Variants in KIZ observed in about 807,000 individuals in gnomAD.
The protein encoded by KIZ is centrosomal protein kizuna.
A neutral mutation model predicts 79.6 loss-of-function variants in KIZ; 68 were observed. That is an observed-to-expected ratio of 0.85 (90% confidence interval 0.70 to 1.05). KIZ has a LOEUF of 1.05. Ranked by LOEUF, KIZ falls within the 50% of genes least tolerant of loss-of-function variation. The pLI is 0.00. For missense variants in KIZ, 797 were observed against 800.4 expected, an observed-to-expected ratio of 1.00 and a Z score of 0.05; for synonymous variants, 280 against 281.8, an observed-to-expected ratio of 0.99 and a Z score of 0.06.
chr20:21,190,309 T>C (rs2035056464), intron 6 of KIZ, among the ~76,000 whole-genome samples: 1 of 152,270 alleles, frequency 6.6e-6, no homozygotes, highest in Non-Finnish European at 1.5e-5. Context: ...TTGCCTGTAA[T>C]GCTGCTTAAC....
At chr20:21,133,247 T>G in intron 2 of KIZ, 1 of 152,244 alleles carries the variant, frequency 6.6e-6, no homozygotes, top group Non-Finnish European at 1.5e-5. Flanking sequence ...GTTTTAAGAT[T>G]TAGTGTACTT....
intron 2 of KIZ, among the ~76,000 whole-genome samples, chr20:21,136,041 T>C (rs1174664823): frequency 2.0e-5 from 3 of 152,226 alleles, no homozygotes; most frequent in African/African-American, 7.2e-5. Flanking sequence ...GTAAGAATGT[T>C]AGTGAGCCAT....
intron 7 of KIZ, among the ~76,000 whole-genome samples, chr20:21,208,005 A>T (rs2035908719): frequency 6.6e-6 from 1 of 151,944 alleles, no homozygotes; most frequent in Non-Finnish European, 1.5e-5. Flanking sequence ...ATGAGCCACC[A>T]CGCCCAGCCG....
At chr20:21,148,612 ACT>A (rs1365772125) in intron 4 of KIZ, 11 of 152,114 alleles carry the variant, frequency 7.2e-5, no homozygotes, top group African/African-American at 2.7e-4. Context: ...TTGGGGGCAA[ACT>A]CTGTTTCCAG....
At chr20:21,177,314 A>G (rs767890210) in intron 6 of KIZ, among the ~76,000 whole-genome samples, 7 of 152,050 alleles carry the variant, frequency 4.6e-5, no homozygotes, top group African/African-American at 7.2e-5. Context: ...TTTGATTTGC[A>G]TTTCCCTGAT....
intron 6 of KIZ, among the ~76,000 whole-genome samples, chr20:21,204,105 GTTTTTTTTTT>G (rs71330816): frequency 1.3e-5 from 1 of 74,998 alleles, no homozygotes. Context: ...AGTCATCTAT[GTTTTTTTTTT>G]TTTTTTTTTT....
chr20:21,182,912 A>G (rs1298972011), intron 6 of KIZ, among the ~76,000 whole-genome samples: 1 of 152,128 alleles, frequency 6.6e-6, no homozygotes, highest in Non-Finnish European at 1.5e-5. Context: ...GAGCTATACA[A>G]CAGCAGGCTG....
In KIZ at chr20:21,162,442, C is replaced by T. The variant is rs1358081303; in HGVS notation, c.977C>T (p.Ser326Leu). 3.1e-6 allele frequency: 5 copies of T among 1,613,318 alleles called. No homozygotes were observed. The highest frequency in any genetic ancestry group is 4.2e-6 in the Non-Finnish European group (5 of 1,179,422). ...ASPPVSPIPVSEYCESENKWS... is the reference protein window; with the variant it reads ...ASPPVSPIPVLEYCESENKWS... ...CCGCCAGTCTCTCCGATACCAGTTTCAGAATACTGTGAATCTGAAAATAAG... is the reference window on the plus strand; with the variant it reads ...CCGCCAGTCTCTCCGATACCAGTTTTAGAATACTGTGAATCTGAAAATAAG... The change falls in exon 5 of 13, where the codon TCA (serine) becomes TTA (leucine). Residue 326 changes from serine to leucine, a missense_variant. By Grantham distance (145) the Ser-to-Leu change is moderately radical. Coordinates refer to ENST00000619189, the MANE Select transcript of KIZ (RefSeq NM_018474.6).
intron 1 of KIZ, 63 bp downstream of exon 1, chr20:21,126,267 C>T (rs1230797329): frequency 2.6e-6 from 3 of 1,135,068 alleles, no homozygotes; most frequent in Non-Finnish European, 3.5e-6. Flanking sequence ...CGTGCCCTGC[C>T]CCATTTTCCT....
intron 10 of KIZ, among the ~76,000 whole-genome samples, chr20:21,232,267 G>T (rs1329179670): frequency 6.6e-6 from 1 of 152,210 alleles, no homozygotes; most frequent in Non-Finnish European, 1.5e-5. Flanking sequence ...ATGATTTTCA[G>T]TGGAGATTCT....
intron 6 of KIZ, among the ~76,000 whole-genome samples, chr20:21,181,843 C>T (rs1568952259): frequency 5.3e-5 from 8 of 152,154 alleles, no homozygotes; most frequent in Admixed American, 3.9e-4. Flanking sequence ...TGTTGGTTGC[C>T]AATAACAGGA....
chr20:21,126,759 T>A (rs1189159626), intron 1 of KIZ, among the ~76,000 whole-genome samples: 1 of 152,114 alleles, frequency 6.6e-6, no homozygotes, highest in Non-Finnish European at 1.5e-5. Flanking sequence ...GCTAGAGAAG[T>A]CCAGCTTCCA....
At chr20:21,235,118 G>C (rs1451302770) in intron 11 of KIZ, among the ~76,000 whole-genome samples, 2 of 152,176 alleles carry the variant, frequency 1.3e-5, no homozygotes, top group African/African-American at 4.8e-5. Context: ...AAGGGATTGG[G>C]TGCTGCTTTG....
At chr20:21,150,497 A>G (rs1194519457) in intron 4 of KIZ, among the ~76,000 whole-genome samples, 1 of 152,226 alleles carries the variant, frequency 6.6e-6, no homozygotes, top group East Asian at 1.9e-4. Context: ...CGGTTCTGCC[A>G]TTCTCAAAGT....
chr20:21,193,144 G>T (rs77070671), intron 6 of KIZ, among the ~76,000 whole-genome samples: 2,209 of 152,228 alleles, frequency 0.015, 48 homozygotes, highest in African/African-American at 0.05. Flanking sequence ...TGGGATATCA[G>T]CTTCTGAGCC....
chr20:21,188,675 A>ATTTT (rs930469620), intron 6 of KIZ, among the ~76,000 whole-genome samples: 1 of 104,590 alleles, frequency 9.6e-6, no homozygotes, highest in African/African-American at 4.2e-5. Context: ...TTTGCATTTT[A>ATTTT]TTTTATTTAT....
rs1234545691 is a variant in KIZ, at chr20:21,214,623, C to T, written c.1535C>T (p.Ser512Phe). The T allele has an allele frequency of 1.9e-6, 3 of 1,612,098 alleles. No individual in the cohort carries two copies. The highest frequency in any genetic ancestry group is 2.5e-6 in the Non-Finnish European group (3 of 1,178,350). Residue 512 changes from serine (S) to phenylalanine (F), a missense_variant, in exon 8 of 13, where the codon TCT becomes TTT. Transcript: ENST00000619189. ...AGTGAATCATCTTGCAGCTTGCCAT[C>T]TATTCTGAATGACAATAGTGGAATA... is the stretch of plus-strand genomic sequence containing the variant. ...HSSESSCSLP[S>F]ILNDNSGIKE...
intron 11 of KIZ, among the ~76,000 whole-genome samples, chr20:21,237,893 G>T (rs118056616): frequency 6.6e-6 from 1 of 152,094 alleles, no homozygotes; most frequent in Non-Finnish European, 1.5e-5. Flanking sequence ...ACAGTGACAC[G>T]ATCTCCGCTC....
chr20:21,236,903 G>T (rs999406176), intron 11 of KIZ, among the ~76,000 whole-genome samples: 44 of 151,878 alleles, frequency 2.9e-4, no homozygotes, highest in Non-Finnish European at 1.5e-4. Flanking sequence ...GGGAGGATGA[G>T]GCAGGAGAAT....
Sources: allele counts gnomAD v4.1 joint callset (sites outside exome capture counted in the v4.1 genomes callset), GRCh38; gene constraint gnomAD v4.1.1; transcripts MANE v1.5; gene names NCBI Gene and HGNC (gene_info 2026-07-23, HGNC 2026-07-21).